Variants in CENPO observed in about 807,000 individuals in gnomAD.
The protein encoded by CENPO is centromeric protein O.
In CENPO, 30 loss-of-function variants were observed where a neutral mutation model predicts 36.1. The ratio of observed to expected loss-of-function variants is 0.83; its 90% CI spans 0.62 to 1.13. The LOEUF is 1.13. CENPO is among the 50% of genes most tolerant of loss of function. The pLI, the probability that CENPO is intolerant of heterozygous loss-of-function variation, is 0.00. For missense variants in CENPO, 349 were observed against 357.8 expected (o/e 0.98, Z 0.20); for synonymous variants, 171 against 142.3 (o/e 1.20, Z -1.44).
In CENPO at chr2:24,821,510, T is replaced by C. The variant is rs1667709736; in HGVS notation, c.*2192T>C. 2.5e-6 allele frequency: 4 copies of C among 1,613,658 alleles called. No individual in the cohort carries two copies. The highest frequency in any genetic ancestry group is 1.3e-5 in the African/African-American group (1 of 75,030). On this transcript the variant is annotated 3_prime_UTR_variant, in exon 8 of 8. Coordinates refer to ENST00000380834, the MANE Select transcript of CENPO (RefSeq NM_001322101.2). ...TGCTGCGGGGCAGGCCAGCTGGGGG[T>C]GCTCACCTATGCGCAGCATGAAGTT...
At chr2:24,811,370 C>A (rs552725549) in intron 3 of CENPO, among the ~76,000 whole-genome samples, 1 of 149,588 alleles carries the variant, frequency 6.7e-6, no homozygotes, top group South Asian at 2.1e-4. Context: ...CAACCTCCGC[C>A]TCCTGATTCA....
chr2:24,821,162 C>G lies in CENPO; in HGVS notation c.*1844C>G, dbSNP rs1182703483. ...AATGATACCCCCTCAGTAGAAGCAG[C>G]AGGTGATCTTAACTCCTTTCAAAGA... On this transcript the variant is annotated 3_prime_UTR_variant, in exon 8 of 8. Transcript: ENST00000380834. 6.8e-6 allele frequency: 3 copies of G among 438,900 alleles called. No homozygotes were observed. The highest frequency in any genetic ancestry group is 1.2e-5 in the Non-Finnish European group (3 of 243,880). The allele number at this position is 438,900 out of a possible 1,614,324, so 27.2% of individuals were successfully genotyped here.
At chr2:24,806,976 C>G (rs1448831518) in intron 3 of CENPO, among the ~76,000 whole-genome samples, 1 of 152,204 alleles carries the variant, frequency 6.6e-6, no homozygotes, top group African/African-American at 2.4e-5. Flanking sequence ...TGACAGTAGT[C>G]TGCCAGTTGG....
chr2:24,816,119 G>C, intron 5 of CENPO: 1 of 237,924 alleles, frequency 4.2e-6, no homozygotes, highest in East Asian at 1.0e-4. Context: ...GATCTCATTA[G>C]AGAAGAAAGG....
intron 7 of CENPO, chr2:24,819,138 T>TA (rs1269755574): frequency 6.6e-6 from 1 of 152,642 alleles, no homozygotes; most frequent in African/African-American, 2.4e-5. Flanking sequence ...ACTCCTCAGA[T>TA]AAGTGATATT....
At position 24,819,729 on chromosome 2, in the gene CENPO, C is replaced by A; in HGVS notation, c.*411C>A. On this transcript the variant is annotated 3_prime_UTR_variant, in exon 8 of 8. Coordinates refer to ENST00000380834, the MANE Select transcript of CENPO (RefSeq NM_001322101.2). ...CTGTTCAGCCCTATGCCTAAGACCC[C>A]TATGCTGGGGACACTACAGGCACAC... 1.7e-6 allele frequency: 1 copy of A among 588,864 alleles called. No individual in the cohort carries two copies. The highest frequency in any genetic ancestry group is 2.1e-5 in the South Asian group (1 of 47,322). The allele number at this position is 588,864 out of a possible 1,614,324, so 36.5% of individuals were successfully genotyped here.
At chr2:24,817,048 A>G (rs567426494) in intron 6 of CENPO, among the ~76,000 whole-genome samples, 39 of 152,022 alleles carry the variant, frequency 2.6e-4, no homozygotes, top group South Asian at 1.7e-3. Flanking sequence ...TTGCCCACCC[A>G]CCTCAGCAGT....
chr2:24,815,911 C>T, intron 5 of CENPO, 155 bp downstream of exon 5: 1 of 710,392 alleles, frequency 1.4e-6, no homozygotes, highest in Non-Finnish European at 2.3e-6. Context: ...AAGCACTATC[C>T]CACCCTCTTT....
intron 5 of CENPO, chr2:24,816,259 C>T (rs570552815): frequency 1.0e-5 from 2 of 193,740 alleles, no homozygotes; most frequent in Admixed American, 5.6e-5. Context: ...CTGTAAGTGC[C>T]TCCTACAAGC....
chr2:24,799,921 A>G, intron 3 of CENPO, 77 bp downstream of exon 3: 2 of 1,448,994 alleles, frequency 1.4e-6, no homozygotes, highest in Admixed American at 1.8e-5. Context: ...TGAATTGGCC[A>G]TTTTTTATAA....
At chr2:24,814,655 T>C (rs1666858861) in intron 4 of CENPO, 162 bp downstream of exon 4, 1 of 605,418 alleles carries the variant, frequency 1.7e-6, no homozygotes, top group Non-Finnish European at 3.0e-6. Context: ...CACACACAGC[T>C]GACGTGCTAT....
At chr2:24,803,355 T>C (rs1666241656) in intron 3 of CENPO, among the ~76,000 whole-genome samples, 1 of 152,174 alleles carries the variant, frequency 6.6e-6, no homozygotes, top group Admixed American at 6.6e-5. Flanking sequence ...CTTAGTTATT[T>C]CTTGCCTTCT....
intron 1 of CENPO, 157 bp downstream of exon 1, chr2:24,793,658 A>G: frequency 8.1e-7 from 1 of 1,230,010 alleles, no homozygotes. Flanking sequence ...GGGCCGCGGG[A>G]TGGGCGCGGG....
Position 24,820,147 on chromosome 2 carries a change from T to C in CENPO, c.*829T>C. On this transcript the variant is annotated 3_prime_UTR_variant, in exon 8 of 8. Transcript: ENST00000380834. ...GGGAGGGGGAGCAAGAACGTGGCGT[T>C]ACGGGGGGAGCCTAGACTGAGGGCG... is the stretch of plus-strand genomic sequence containing the variant. The C allele has an allele frequency of 7.0e-7, 1 of 1,438,670 alleles. No individual in the cohort carries two copies. Among genetic ancestry groups the C allele is most frequent in the Non-Finnish European group, 9.3e-7 (1 of 1,075,990 alleles). 89.1% of individuals were successfully genotyped at this position (1,438,670 alleles called of 1,614,324 possible).
chr2:24,810,504 G>GTTT (rs35287429), intron 3 of CENPO, among the ~76,000 whole-genome samples: 13 of 114,104 alleles, frequency 1.1e-4, no homozygotes, highest in African/African-American at 1.6e-4. Flanking sequence ...GCAGGTTAAG[G>GTTT]TTTTTTTTTT....
chr2:24,806,033 C>A (rs552601282), intron 3 of CENPO, among the ~76,000 whole-genome samples: 1 of 152,348 alleles, frequency 6.6e-6, no homozygotes, highest in Non-Finnish European at 1.5e-5. Context: ...GCGGGCGCCC[C>A]TCCCCCAGCC....
intron 3 of CENPO, among the ~76,000 whole-genome samples, chr2:24,808,521 T>C (rs2148274996): frequency 6.6e-6 from 1 of 152,310 alleles, no homozygotes; most frequent in Admixed American, 6.5e-5. Context: ...AAGAGCCACC[T>C]GGCTCTTTTA....
intron 3 of CENPO, among the ~76,000 whole-genome samples, chr2:24,806,601 T>C (rs1487916644): frequency 1.3e-5 from 2 of 152,224 alleles, no homozygotes; most frequent in African/African-American, 4.8e-5. Context: ...CCTGGTAGAA[T>C]TGCTGAGTCA....
At chr2:24,796,786 C>G (rs78244098) in intron 2 of CENPO, among the ~76,000 whole-genome samples, 2 of 152,000 alleles carry the variant, frequency 1.3e-5, no homozygotes, top group Non-Finnish European at 2.9e-5. Flanking sequence ...TGAGTGCTAA[C>G]GAGCTAGAGT....
Sources: allele counts gnomAD v4.1 joint callset (sites outside exome capture counted in the v4.1 genomes callset), GRCh38; gene constraint gnomAD v4.1.1; transcripts MANE v1.5; gene names NCBI Gene and HGNC (gene_info 2026-07-23, HGNC 2026-07-21).